The following CACNA2D1 variants were observed in gnomAD, a reference collection of about 807,000 sequenced individuals.
CACNA2D1 encodes voltage-dependent calcium channel subunit alpha-2/delta-1.
Under a neutral mutation model 171.5 loss-of-function variants are expected in CACNA2D1, and 53 were observed. The ratio of observed to expected loss-of-function variants is 0.31; its 90% CI spans 0.25 to 0.39. CACNA2D1 has a LOEUF of 0.39. Ranked by LOEUF, CACNA2D1 falls within the 10% of genes least tolerant of loss-of-function variation. CACNA2D1 has a pLI of 1.00. For missense variants in CACNA2D1, 903 were observed against 1,299.8 expected, an observed-to-expected ratio of 0.69 and a Z score of 4.69; for synonymous variants, 442 against 443.1, an observed-to-expected ratio of 1.00 and a Z score of 0.03.
chr7:82,140,645 A>G (rs1792251993), intron 4 of CACNA2D1, among the ~76,000 whole-genome samples: 1 of 152,032 alleles, frequency 6.6e-6, no homozygotes, highest in African/African-American at 2.4e-5. Flanking sequence ...GTCTCAGTTC[A>G]TATTTTCTTA....
intron 10 of CACNA2D1, among the ~76,000 whole-genome samples, chr7:82,051,877 C>T (rs376681738): frequency 2.6e-5 from 4 of 152,182 alleles, no homozygotes; most frequent in East Asian, 1.9e-4. Flanking sequence ...GGGAAAACAG[C>T]TACATTATGC....
At chr7:82,141,535 C>G (rs1233049450) in intron 4 of CACNA2D1, among the ~76,000 whole-genome samples, 1 of 152,078 alleles carries the variant, frequency 6.6e-6, no homozygotes, top group East Asian at 1.9e-4. Flanking sequence ...TCGGGGGAGC[C>G]ACACCACTCA....
chr7:82,363,721 A>C (rs1348050008), intron 1 of CACNA2D1, among the ~76,000 whole-genome samples: 1 of 152,182 alleles, frequency 6.6e-6, no homozygotes, highest in Non-Finnish European at 1.5e-5. Flanking sequence ...TAAACATCTT[A>C]CATATGTTTT....
At chr7:82,000,216 G>C (rs1481054742) in intron 18 of CACNA2D1, among the ~76,000 whole-genome samples, 1 of 151,946 alleles carries the variant, frequency 6.6e-6, no homozygotes, top group Non-Finnish European at 1.5e-5. Context: ...CCGAGATTGC[G>C]CCACTGCACT....
intron 38 of CACNA2D1, among the ~76,000 whole-genome samples, chr7:81,954,298 C>A (rs2130022208): frequency 6.6e-6 from 1 of 151,632 alleles, no homozygotes; most frequent in Middle Eastern, 3.4e-3. Flanking sequence ...GAATGCAGTG[C>A]CAATATTATA....
chr7:82,066,116 C>T (rs980132305), intron 8 of CACNA2D1, among the ~76,000 whole-genome samples: 1 of 152,152 alleles, frequency 6.6e-6, no homozygotes, highest in Non-Finnish European at 1.5e-5. Flanking sequence ...TTATCTCCTA[C>T]TCTATCTCAT....
intron 12 of CACNA2D1, among the ~76,000 whole-genome samples, chr7:82,017,079 T>C (rs1270112841): frequency 6.6e-6 from 1 of 152,130 alleles, no homozygotes; most frequent in Non-Finnish European, 1.5e-5. Flanking sequence ...GATTATTTTA[T>C]CTTGGTTTTA....
At chr7:82,017,446 T>G (rs957509482) in intron 12 of CACNA2D1, among the ~76,000 whole-genome samples, 2 of 152,144 alleles carry the variant, frequency 1.3e-5, no homozygotes, top group Non-Finnish European at 2.9e-5. Flanking sequence ...ATGTATTGGT[T>G]AAATTTAAAA....
At chr7:82,282,158 T>G (rs1810191420) in intron 3 of CACNA2D1, among the ~76,000 whole-genome samples, 1 of 151,896 alleles carries the variant, frequency 6.6e-6, no homozygotes, top group Non-Finnish European at 1.5e-5. Context: ...GTTAGCTGGA[T>G]GTGGTGACCC....
At chr7:82,440,415 G>A (rs909291090) in intron 1 of CACNA2D1, among the ~76,000 whole-genome samples, 9 of 151,636 alleles carry the variant, frequency 5.9e-5, no homozygotes, top group Non-Finnish European at 1.0e-4. Context: ...CTAGAAAAAC[G>A]GACAACTACC....
At chr7:82,331,437 T>C (rs1315775505) in intron 3 of CACNA2D1, among the ~76,000 whole-genome samples, 7 of 152,206 alleles carry the variant, frequency 4.6e-5, no homozygotes, top group Non-Finnish European at 1.0e-4. Flanking sequence ...TACAATACAA[T>C]GTAGCATATG....
chr7:82,097,662 TA>T (rs139739274), intron 6 of CACNA2D1, among the ~76,000 whole-genome samples: 2,747 of 152,180 alleles, frequency 0.018, 33 homozygotes, highest in Middle Eastern at 0.048. Context: ...CCGCGTTGTT[TA>T]AAAAAGGCAA....
intron 6 of CACNA2D1, among the ~76,000 whole-genome samples, chr7:82,096,958 T>G (rs1039801140): frequency 1.3e-5 from 2 of 152,164 alleles, no homozygotes; most frequent in Admixed American, 6.6e-5. Context: ...AATTTTGCTT[T>G]GCATAACAGA....
At chr7:82,111,446 T>TTA (rs1563065638) in intron 6 of CACNA2D1, among the ~76,000 whole-genome samples, 1 of 80,374 alleles carries the variant, frequency 1.2e-5, no homozygotes, top group African/African-American at 5.7e-5. Flanking sequence ...ATATATATAT[T>TTA]TTTTTTTTTT....
chr7:82,348,697 C>T lies in CACNA2D1; in HGVS notation c.177+871G>A, dbSNP rs146188457. ...AAAGTAACCACACATTCCAGTTTCT[C>T]ATATATATTTACATGATAAAAAGTC... On this transcript the variant is annotated intron_variant, in intron 2 of 38. Coordinates refer to ENST00000356860, the MANE Select transcript of CACNA2D1 (RefSeq NM_000722.4). Among the ~76,000 whole-genome samples, 363 of 152,160 alleles carry T rather than the reference C, an allele frequency of 2.4e-3. 3 individuals are homozygous for T. The highest frequency in any genetic ancestry group is 8.3e-3 in the African/African-American group (344 of 41,526).
At chr7:82,184,630 A>C (rs1721973122) in intron 3 of CACNA2D1, among the ~76,000 whole-genome samples, 1 of 152,136 alleles carries the variant, frequency 6.6e-6, no homozygotes, top group Admixed American at 6.6e-5. Flanking sequence ...AAAGCTTCTA[A>C]GCAGTGACAA....
At chr7:82,153,951 C>G (rs925486040) in intron 4 of CACNA2D1, among the ~76,000 whole-genome samples, 1 of 152,030 alleles carries the variant, frequency 6.6e-6, no homozygotes, top group African/African-American at 2.4e-5. Flanking sequence ...TGTTGCAGAG[C>G]TTGTAATCCT....
chr7:82,242,839 A>T (rs1804475732), intron 3 of CACNA2D1, among the ~76,000 whole-genome samples: 1 of 152,096 alleles, frequency 6.6e-6, no homozygotes, highest in African/African-American at 2.4e-5. Flanking sequence ...AAAATTAAAT[A>T]CTTTGTAAGA....
At chr7:82,052,976 T>C (rs1389722602) in intron 10 of CACNA2D1, among the ~76,000 whole-genome samples, 2 of 152,064 alleles carry the variant, frequency 1.3e-5, no homozygotes, top group South Asian at 4.1e-4. Flanking sequence ...AACATTGCTT[T>C]AAAAAAATTA....
Sources: allele counts gnomAD v4.1 joint callset (sites outside exome capture counted in the v4.1 genomes callset), GRCh38; gene constraint gnomAD v4.1.1; transcripts MANE v1.5; gene names NCBI Gene and HGNC (gene_info 2026-07-23, HGNC 2026-07-21).